The following FOXP2 variants were observed in gnomAD, a reference collection of about 807,000 sequenced individuals.
FOXP2 encodes forkhead box protein P2.
A neutral mutation model predicts 115.8 loss-of-function variants in FOXP2; 12 were observed. That is an observed-to-expected ratio of 0.10 (90% CI 0.07 to 0.17). The LOEUF is 0.17. FOXP2 is among the 10% of genes least tolerant of loss of function. FOXP2 has a pLI of 1.00. For missense variants in FOXP2, 629 were observed against 843.5 expected (o/e 0.75, Z 3.15); for synonymous variants, 328 against 297.7 (o/e 1.10, Z -1.05).
intron 16 of FOXP2, among the ~76,000 whole-genome samples, chr7:114,682,022 T>C (rs1253990207): frequency 2.6e-5 from 4 of 152,210 alleles, no homozygotes; most frequent in Non-Finnish European, 5.9e-5. Flanking sequence ...TCAGTGTTTA[T>C]TGATCACTTA....
intron 1 of FOXP2, among the ~76,000 whole-genome samples, chr7:114,214,555 T>G (rs1433883407): frequency 1.3e-5 from 2 of 152,188 alleles, no homozygotes; most frequent in Admixed American, 1.3e-4. Context: ...AGGCCTGTAA[T>G]AAACTAGTAT....
chr7:114,117,159 A>G (rs1791429607), intron 1 of FOXP2, among the ~76,000 whole-genome samples: 1 of 151,760 alleles, frequency 6.6e-6, no homozygotes, highest in African/African-American at 2.4e-5. Flanking sequence ...TCTTTTATTT[A>G]TTATAGAATT....
At chr7:114,182,699 C>T (rs1793488278) in intron 1 of FOXP2, among the ~76,000 whole-genome samples, 1 of 151,158 alleles carries the variant, frequency 6.6e-6, no homozygotes, top group Admixed American at 6.6e-5. Context: ...TCCTTGAATA[C>T]GTCTATAGAA....
chr7:114,618,730 T>C (rs1804080888), intron 3 of FOXP2, among the ~76,000 whole-genome samples: 1 of 152,318 alleles, frequency 6.6e-6, no homozygotes, highest in African/African-American at 2.4e-5. Flanking sequence ...GGAGTCTATG[T>C]AGGTGAAGAT....
chr7:114,291,113 T>A (rs1284099512), intron 2 of FOXP2, among the ~76,000 whole-genome samples: 1 of 152,116 alleles, frequency 6.6e-6, no homozygotes, highest in Non-Finnish European at 1.5e-5. Context: ...ATAGACTGAA[T>A]GGATTATAAA....
At chr7:114,575,295 T>C (rs757168658) in intron 3 of FOXP2, among the ~76,000 whole-genome samples, 3 of 151,776 alleles carry the variant, frequency 2.0e-5, no homozygotes, top group Non-Finnish European at 4.4e-5. Flanking sequence ...GACTAACACA[T>C]AGTAAACATG....
rs1431537008 is a variant in FOXP2 at position 114,690,830 on chromosome 7, A to G, written c.*904A>G. 9 of 454,534 alleles carry G rather than the reference A, an allele frequency of 2.0e-5. No homozygotes were observed. Among genetic ancestry groups the G allele is most frequent in the Non-Finnish European group, 4.0e-5 (9 of 226,778 alleles). 28.2% of individuals were successfully genotyped at this position (454,534 alleles called of 1,614,324 possible). A position where few individuals can be genotyped will look rare whatever the true frequency, so the allele number is the denominator to read the frequency against. ...TGGTCAGCCTTCTGTAACTTCAATT[A>G]GTACAAAGGAACCTTTTCCATGAAC... On this transcript the variant is annotated 3_prime_UTR_variant, in exon 17 of 17. Transcript: ENST00000350908.
chr7:114,385,295 A>T (rs566532390), intron 2 of FOXP2, among the ~76,000 whole-genome samples: 18 of 152,316 alleles, frequency 1.2e-4, no homozygotes, highest in African/African-American at 4.3e-4. Flanking sequence ...ATTAGTACCT[A>T]GGAGGCAGGG....
intron 2 of FOXP2, among the ~76,000 whole-genome samples, chr7:114,440,760 C>G (rs1333879754): frequency 6.6e-6 from 1 of 152,122 alleles, no homozygotes; most frequent in Non-Finnish European, 1.5e-5. Flanking sequence ...CATGGCTATT[C>G]TACAGAGACT....
intron 2 of FOXP2, among the ~76,000 whole-genome samples, chr7:114,314,380 T>A (rs2690830): frequency 0.64 from 96,564 of 151,750 alleles, 31,733 homozygotes; most frequent in Middle Eastern, 0.8. Context: ...GTCTTTTGCT[T>A]AGTAAGCTGT....
intron 1 of FOXP2, chr7:114,416,335 A>C (rs1793339855): frequency 6.6e-6 from 1 of 152,016 alleles, no homozygotes; most frequent in Non-Finnish European, 1.5e-5. Context: ...AGGATGACAC[A>C]GATAGCTGCA....
chr7:114,203,066 A>G (rs1034346840), intron 1 of FOXP2, among the ~76,000 whole-genome samples: 1 of 152,202 alleles, frequency 6.6e-6, no homozygotes, highest in Non-Finnish European at 1.5e-5. Context: ...TTCTTGCTAA[A>G]TTGTCTGCAT....
intron 3 of FOXP2, among the ~76,000 whole-genome samples, chr7:114,581,098 C>CACACAA (rs963510866): frequency 3.3e-5 from 5 of 151,436 alleles, no homozygotes; most frequent in African/African-American, 1.2e-4. Flanking sequence ...CACACACACA[C>CACACAA]ACACACACAA....
rs1262433024 is a variant in FOXP2, at chr7:114,693,546, C to G, written c.*3620C>G. ...GCTATTGAAAGGAACATGGCTTACC[C>G]TTGTTATTTCACTAGTTCAGGTTGC... On this transcript the variant is annotated 3_prime_UTR_variant, in exon 17 of 17. Coordinates refer to ENST00000350908, the MANE Select transcript of FOXP2 (RefSeq NM_014491.4). The G allele has an allele frequency of 1.1e-5, 5 of 453,240 alleles. No homozygotes were observed. The highest frequency in any genetic ancestry group is 2.2e-5 in the Non-Finnish European group (5 of 226,438). The allele number at this position is 453,240 out of a possible 1,614,324, so 28.1% of individuals were successfully genotyped here. A position where few individuals can be genotyped will look rare whatever the true frequency, so the allele number is the denominator to read the frequency against.
At chr7:114,273,636 G>T (rs900937284) in intron 1 of FOXP2, among the ~76,000 whole-genome samples, 2 of 151,834 alleles carry the variant, frequency 1.3e-5, no homozygotes, top group Non-Finnish European at 2.9e-5. Context: ...TCTGTTGTTA[G>T]GTACATACAT....
chr7:114,410,592 A>T (rs991755314), upstream of FOXP2, among the ~76,000 whole-genome samples: 6 of 152,250 alleles, frequency 3.9e-5, no homozygotes, highest in South Asian at 8.3e-4. Flanking sequence ...TGTTTTATGT[A>T]ACAAAACTTA....
intron 2 of FOXP2, among the ~76,000 whole-genome samples, chr7:114,308,697 A>G (rs1261672263): frequency 6.6e-6 from 1 of 152,208 alleles, no homozygotes; most frequent in Non-Finnish European, 1.5e-5. Flanking sequence ...TTCATCAATT[A>G]CCTTGGCTTG....
intron 2 of FOXP2, among the ~76,000 whole-genome samples, chr7:114,372,836 TTGCGTAACA>T (rs2129189837): frequency 6.6e-6 from 1 of 152,288 alleles, no homozygotes; most frequent in South Asian, 2.1e-4. Flanking sequence ...GAAATGTAGA[TTGCGTAACA>T]TGTTTAAGTT....
chr7:114,525,842 T>C lies in FOXP2; in HGVS notation c.169-8775T>C, dbSNP rs181021760. Reference sequence around the variant, plus strand: ...ACTTACGATTTTTGGCCAGGCGTGGTGGCCCATGCCTGTAATCCCAGCACT... The same window carrying C: ...ACTTACGATTTTTGGCCAGGCGTGGCGGCCCATGCCTGTAATCCCAGCACT... On this transcript the variant is annotated intron_variant, in intron 2 of 16. Coordinates refer to ENST00000350908, the MANE Select transcript of FOXP2 (RefSeq NM_014491.4). Among the ~76,000 whole-genome samples the C allele has an allele frequency of 1.2e-3, 183 of 152,236 alleles. 1 individual carries two copies. The highest frequency in any genetic ancestry group is 4.0e-3 in the African/African-American group (167 of 41,546).
Sources: allele counts gnomAD v4.1 joint callset (sites outside exome capture counted in the v4.1 genomes callset), GRCh38; gene constraint gnomAD v4.1.1; transcripts MANE v1.5; gene names NCBI Gene and HGNC (gene_info 2026-07-23, HGNC 2026-07-21).